PDCL2: variants seen among roughly 807,000 people sequenced by gnomAD.
The protein encoded by PDCL2 is phosducin like 2, also known as phosducin-like protein 2.
A neutral mutation model predicts 30.3 loss-of-function variants in PDCL2; 23 were observed. The observed-to-expected ratio is 0.76, with a 90% CI of 0.55 to 1.08. The LOEUF is 1.08. Ranked by LOEUF, PDCL2 falls within the 50% of genes least tolerant of loss-of-function variation. The probability of loss-of-function intolerance (pLI) is 0.00; values close to 1 mark genes in which losing one functional copy is unlikely to be tolerated. For missense variants in PDCL2, 243 were observed against 282.3 expected (o/e 0.86, Z 1.00); for synonymous variants, 68 against 86.2 (o/e 0.79, Z 1.17).
chr4:55,575,545 A>G (rs1483272003), intron 3 of PDCL2, among the ~76,000 whole-genome samples: 4 of 152,230 alleles, frequency 2.6e-5, no homozygotes, highest in Non-Finnish European at 1.5e-5. Flanking sequence ...AAATACATTA[A>G]TCTATAAACT....
intron 4 of PDCL2, among the ~76,000 whole-genome samples, chr4:55,564,665 C>T (rs1732215356): frequency 6.6e-6 from 1 of 152,168 alleles, no homozygotes; most frequent in East Asian, 1.9e-4. Flanking sequence ...AGTTAGATCC[C>T]TCTAAGGCAC....
intron 2 of PDCL2, 78 bp from the exon 3 acceptor site, chr4:55,580,989 G>T: frequency 9.7e-7 from 1 of 1,030,976 alleles, no homozygotes; most frequent in Non-Finnish European, 1.4e-6. Flanking sequence ...GAAAAAAACC[G>T]TCTTATACAA....
intron 3 of PDCL2, among the ~76,000 whole-genome samples, chr4:55,579,323 TTTTGTTTG>T (rs561786135): frequency 6.6e-5 from 10 of 152,200 alleles, no homozygotes; most frequent in African/African-American, 1.9e-4. Flanking sequence ...TTTATTTGTT[TTTTGTTTG>T]TTTGTTTGTT....
rs369470813 is a variant in PDCL2 at position 55,556,625 on chromosome 4, A to G, written c.658T>C (p.Ser220Pro). 1.1e-4 allele frequency: 179 copies of G among 1,573,266 alleles called. No individual in the cohort carries two copies. Among genetic ancestry groups the G allele is most frequent in the Non-Finnish European group, 1.5e-4 (174 of 1,156,206 alleles). The change falls in exon 6 of 6, where the codon TCT (serine) becomes CCT (proline). Residue 220 changes from serine to proline, a missense_variant. By Grantham distance (74) the Ser-to-Pro change is moderately conservative. Coordinates refer to ENST00000295645, the MANE Select transcript of PDCL2 (RefSeq NM_152401.3). ...TGAATAGAAGTGTTTCTAATTGAAG[A>G]TACCATCATATCTACCATGTCTTTT... is the stretch of plus-strand genomic sequence containing the variant. ...PRKDMVDMMV[S>P]SIRNTSIHDD...
chr4:55,559,637 A>G (rs1732073656), intron 5 of PDCL2, among the ~76,000 whole-genome samples: 1 of 152,234 alleles, frequency 6.6e-6, no homozygotes, highest in African/African-American at 2.4e-5. Context: ...CATATCATCT[A>G]GCAATTCCAT....
Position 55,562,428 on chromosome 4 carries a change from C to G in PDCL2, c.547G>C (p.Gly183Arg). ...CCTTCCAGCTTGAGATTTATCCCTC[C>G]ACATTCTATAATTCCAATGAATTTG... ...EAKFIGIIECGGINLKLEELE... is the reference protein window; with the variant it reads ...EAKFIGIIECRGINLKLEELE... The change falls in exon 5 of 6, where the codon GGA becomes CGA. Residue 183 changes from glycine (G) to arginine (R), a missense_variant. Coordinates refer to ENST00000295645, the MANE Select transcript of PDCL2 (RefSeq NM_152401.3). 1 of 1,450,748 alleles carries G rather than the reference C, an allele frequency of 6.9e-7. No homozygotes were observed. Among genetic ancestry groups the G allele is most frequent in the Non-Finnish European group, 9.1e-7 (1 of 1,097,286 alleles). 89.9% of individuals were successfully genotyped at this position (1,450,748 alleles called of 1,614,324 possible). A position where few individuals can be genotyped will look rare whatever the true frequency, so the allele number is the denominator to read the frequency against.
intron 3 of PDCL2, among the ~76,000 whole-genome samples, chr4:55,576,885 G>A (rs1337530337): frequency 6.7e-6 from 1 of 148,724 alleles, no homozygotes; most frequent in Admixed American, 6.7e-5. Flanking sequence ...AAAAAAGCAT[G>A]TTCCAGATTT....
intron 3 of PDCL2, among the ~76,000 whole-genome samples, chr4:55,574,149 C>G (rs80257119): frequency 0.026 from 3,950 of 152,208 alleles, 184 homozygotes; most frequent in African/African-American, 0.09. Flanking sequence ...TTTAAACATT[C>G]AGGTACAGAA....
intron 4 of PDCL2, among the ~76,000 whole-genome samples, chr4:55,563,206 T>C (rs562050414): frequency 6.6e-6 from 1 of 152,346 alleles, no homozygotes; most frequent in South Asian, 2.1e-4. Flanking sequence ...CTCATCACAC[T>C]CCTTGATCGA....
At chr4:55,583,760 G>C (rs1260977089) in intron 1 of PDCL2, among the ~76,000 whole-genome samples, 1 of 152,048 alleles carries the variant, frequency 6.6e-6, no homozygotes, top group Non-Finnish European at 1.5e-5. Context: ...GTTCTCCATT[G>C]GTCAATGTCT....
intron 1 of PDCL2, among the ~76,000 whole-genome samples, chr4:55,589,591 G>A (rs1356747124): frequency 2.0e-5 from 3 of 152,034 alleles, no homozygotes; most frequent in Non-Finnish European, 4.4e-5. Flanking sequence ...GTTTACCTCC[G>A]GTTCACCCTC....
chr4:55,561,565 A>AAAAC (rs758237989), intron 5 of PDCL2, among the ~76,000 whole-genome samples: 11 of 152,152 alleles, frequency 7.2e-5, no homozygotes, highest in Admixed American at 2.6e-4. Context: ...TTCTGTCTCA[A>AAAAC]AAACAAACAA....
intron 3 of PDCL2, among the ~76,000 whole-genome samples, chr4:55,577,049 C>T (rs2899036): frequency 0.033 from 4,998 of 152,068 alleles, 283 homozygotes; most frequent in African/African-American, 0.11. Context: ...AGGTACAGGC[C>T]ACTACACCCA....
At chr4:55,573,994 A>T (rs1388069571) in intron 3 of PDCL2, among the ~76,000 whole-genome samples, 2 of 151,790 alleles carry the variant, frequency 1.3e-5, no homozygotes, top group Non-Finnish European at 2.9e-5. Flanking sequence ...CCCAGGTTCA[A>T]GCGATTCTCC....
In PDCL2 at chr4:55,592,215, G is replaced by T; in HGVS notation, c.-106C>A. 3.3e-6 allele frequency: 5 copies of T among 1,520,832 alleles called. No homozygotes were observed. The highest frequency in any genetic ancestry group is 4.5e-6 in the Non-Finnish European group (5 of 1,123,292). 94.2% of individuals were successfully genotyped at this position (1,520,832 alleles called of 1,614,324 possible). Reference sequence around the variant, plus strand: ...CAGGCTGGAAGAGCGCCCGCTTCAGGCCCGGCGGTTTCGAGTGACCGCCAG... The same window carrying T: ...CAGGCTGGAAGAGCGCCCGCTTCAGTCCCGGCGGTTTCGAGTGACCGCCAG... On this transcript the variant is annotated 5_prime_UTR_variant, in exon 1 of 6. Coordinates refer to ENST00000295645, the MANE Select transcript of PDCL2 (RefSeq NM_152401.3).
At chr4:55,587,922 C>G (rs1732904109) in intron 1 of PDCL2, among the ~76,000 whole-genome samples, 1 of 136,870 alleles carries the variant, frequency 7.3e-6, no homozygotes, top group South Asian at 2.5e-4. Context: ...TGGTAAAGTA[C>G]AATTTATTTT....
chr4:55,570,407 T>C (rs1732391154), intron 3 of PDCL2, among the ~76,000 whole-genome samples: 1 of 152,210 alleles, frequency 6.6e-6, no homozygotes, highest in Admixed American at 6.5e-5. Flanking sequence ...AGATTTATTA[T>C]AGACAGAGAG....
intron 3 of PDCL2, 63 bp from the exon 4 acceptor site, chr4:55,569,924 A>G: frequency 4.1e-6 from 5 of 1,211,230 alleles, no homozygotes. Flanking sequence ...TCATTCTCAT[A>G]TGTAATAACA....
rs767783391 is a variant in PDCL2 at position 55,556,586 on chromosome 4, T to G, written c.697A>C (p.Ser233Arg). Residue 233 changes from serine to arginine, a missense_variant, in exon 6 of 6, where the codon AGC (serine) becomes CGC (arginine). By Grantham distance (110) the Ser-to-Arg change is moderately radical. Transcript: ENST00000295645. ...TTGGTATCATTATCACTGTTGGAGC[T>G]ATCACTGTCATCATGAATAGAAGTG... Reference protein sequence around the residue: ...RNTSIHDDSDSSNSDNDTK With the variant: ...RNTSIHDDSDRSNSDNDTK 6.4e-7 allele frequency: 1 copy of G among 1,570,260 alleles called. No homozygotes were observed. The highest frequency in any genetic ancestry group is 1.2e-5 in the South Asian group (1 of 85,582).
Sources: allele counts gnomAD v4.1 joint callset (sites outside exome capture counted in the v4.1 genomes callset), GRCh38; gene constraint gnomAD v4.1.1; transcripts MANE v1.5; gene names NCBI Gene and HGNC (gene_info 2026-07-23, HGNC 2026-07-21).